Variants in ZNF385B observed in about 807,000 individuals in gnomAD.
The protein encoded by ZNF385B is zinc finger protein 385B.
Under a neutral mutation model 39.2 loss-of-function variants are expected in ZNF385B, and 23 were observed. The ratio of observed to expected loss-of-function variants is 0.59; its 90% CI spans 0.42 to 0.83. The LOEUF is 0.83. Ranked by LOEUF, ZNF385B falls within the 40% of genes least tolerant of loss-of-function variation. The pLI is 0.00. For missense variants in ZNF385B, 552 were observed against 598.9 expected (o/e 0.92, Z 0.82); for synonymous variants, 205 against 222.6 (o/e 0.92, Z 0.70).
intron 3 of ZNF385B, among the ~76,000 whole-genome samples, chr2:179,627,627 A>G (rs528440888): frequency 6.6e-6 from 1 of 152,262 alleles, no homozygotes; most frequent in South Asian, 2.1e-4. Flanking sequence ...TCCACATTCC[A>G]CGAGGTCCCA....
chr2:179,812,251 A>T (rs1706781436), intron 1 of ZNF385B, among the ~76,000 whole-genome samples: 1 of 152,174 alleles, frequency 6.6e-6, no homozygotes, highest in Admixed American at 6.5e-5. Context: ...AAAGAACCTA[A>T]AACAGAACTA....
chr2:179,595,790 G>A (rs1342047668), intron 3 of ZNF385B, among the ~76,000 whole-genome samples: 5 of 150,526 alleles, frequency 3.3e-5, no homozygotes, highest in South Asian at 2.1e-4. Context: ...CATTAGGCAC[G>A]TTATCGCACC....
chr2:179,444,776 C>A, intron 9 of ZNF385B, 100 bp downstream of exon 9: 1 of 1,001,400 alleles, frequency 1.0e-6, no homozygotes, highest in Admixed American at 1.8e-5. Flanking sequence ...AAATTTGAAA[C>A]CTTTCATGAC....
Position 179,516,914 on chromosome 2 carries a change from T to A in ZNF385B, c.552+1614A>T, listed in dbSNP as rs111834167. On this transcript the variant is annotated intron_variant, in intron 5 of 9. Coordinates refer to ENST00000410066, the MANE Select transcript of ZNF385B (RefSeq NM_152520.6). ...TGAATGATCCTATTGAATTAATTTT[T>A]ATGTTTTGTATCAGGTAGTAGTCAA... Among the ~76,000 whole-genome samples, 1,002 of 150,840 alleles carry A rather than the reference T, an allele frequency of 6.6e-3. 15 individuals carry two copies. The highest frequency in any genetic ancestry group is 0.023 in the African/African-American group (963 of 41,504).
chr2:179,845,285 A>G (rs1178909508), intron 1 of ZNF385B, among the ~76,000 whole-genome samples: 1 of 152,218 alleles, frequency 6.6e-6, no homozygotes, highest in East Asian at 1.9e-4. Flanking sequence ...GTGCAATACA[A>G]TAAATTGAAG....
chr2:179,610,038 T>C (rs1448023732), intron 3 of ZNF385B, among the ~76,000 whole-genome samples: 3 of 152,206 alleles, frequency 2.0e-5, no homozygotes, highest in African/African-American at 7.2e-5. Context: ...GATTGTTTGC[T>C]TTGCTGTACA....
intron 3 of ZNF385B, among the ~76,000 whole-genome samples, chr2:179,575,175 G>T (rs4893876): frequency 0.24 from 36,058 of 151,904 alleles, 4,705 homozygotes; most frequent in Middle Eastern, 0.34. Flanking sequence ...GGATGTCCCA[G>T]AACCACGCTG....
chr2:179,637,136 T>C (rs1176293387), intron 3 of ZNF385B: 2 of 152,198 alleles, frequency 1.3e-5, no homozygotes, highest in African/African-American at 4.8e-5. Context: ...TCTATGTCTG[T>C]CAAGCCTGGG....
intron 6 of ZNF385B, among the ~76,000 whole-genome samples, chr2:179,473,497 C>G (rs1466283808): frequency 6.6e-6 from 1 of 152,092 alleles, no homozygotes; most frequent in Non-Finnish European, 1.5e-5. Context: ...TTACAACAAT[C>G]CTAGGAGGTA....
rs192206715 is a variant in ZNF385B, at chr2:179,759,021, C to T, written c.298+10482G>A. Among the ~76,000 whole-genome samples the T allele has an allele frequency of 3.9e-5, 6 of 152,308 alleles. No homozygotes were observed. In the East Asian group the frequency reaches 1.2e-3, roughly 29 times the overall value. ...TTCAGCCACATCTCAGCTTTTTAGA[C>T]ACACCAAGCTTTTCCTCAAGTTGAG... On this transcript the variant is annotated intron_variant, in intron 3 of 9. Transcript: ENST00000410066.
chr2:179,558,146 T>C (rs1319258644), intron 3 of ZNF385B, among the ~76,000 whole-genome samples: 1 of 152,192 alleles, frequency 6.6e-6, no homozygotes, highest in Non-Finnish European at 1.5e-5. Flanking sequence ...TGACCTTCTA[T>C]TTGAGATCAA....
chr2:179,502,251 C>T (rs1033825763), intron 5 of ZNF385B, among the ~76,000 whole-genome samples: 5 of 152,258 alleles, frequency 3.3e-5, no homozygotes, highest in Non-Finnish European at 5.9e-5. Flanking sequence ...TTTGAATTAA[C>T]GCTAGAGTGA....
intron 3 of ZNF385B, among the ~76,000 whole-genome samples, chr2:179,765,103 G>A (rs1391322229): frequency 2.0e-5 from 3 of 152,148 alleles, no homozygotes; most frequent in African/African-American, 7.2e-5. Context: ...CCATAATTGT[G>A]TGAGCTAATT....
chr2:179,526,036 A>ATTTTTT (rs3054031), intron 4 of ZNF385B, among the ~76,000 whole-genome samples: 1 of 129,180 alleles, frequency 7.7e-6, no homozygotes, highest in Non-Finnish European at 1.6e-5. Flanking sequence ...TTAACCACAG[A>ATTTTTT]TTTTTTTTTT....
At chr2:179,816,995 C>CT (rs747056563) in intron 1 of ZNF385B, among the ~76,000 whole-genome samples, 11 of 152,064 alleles carry the variant, frequency 7.2e-5, no homozygotes, top group Admixed American at 3.9e-4. Flanking sequence ...GCTTTCCAAT[C>CT]TTTTACACAT....
Position 179,544,443 on chromosome 2 carries a change from A to G in ZNF385B, c.441+384T>C, listed in dbSNP as rs560790023. 2.0e-5 allele frequency among the ~76,000 whole-genome samples: 3 copies of G among 147,048 alleles called. No individual in the cohort carries two copies. In the South Asian group the frequency reaches 6.3e-4, roughly 31 times the overall value. ...AAATGCAGCCAGAGAGATAAATCCT[A>G]CAGTCATTTTTTTTTTTCTAAGAGA... On this transcript the variant is annotated intron_variant, in intron 4 of 9. Coordinates refer to ENST00000410066, the MANE Select transcript of ZNF385B (RefSeq NM_152520.6).
At chr2:179,676,154 T>C (rs898770987) in intron 3 of ZNF385B, among the ~76,000 whole-genome samples, 2 of 150,486 alleles carry the variant, frequency 1.3e-5, no homozygotes, top group Non-Finnish European at 2.9e-5. Flanking sequence ...AGTGGCACGA[T>C]CTCTGCTCAC....
At chr2:179,648,004 A>G (rs1692875444) in intron 3 of ZNF385B, among the ~76,000 whole-genome samples, 1 of 152,134 alleles carries the variant, frequency 6.6e-6, no homozygotes. Flanking sequence ...CAGAACAGAG[A>G]AAGGTGACTG....
In ZNF385B at chr2:179,638,938, G is replaced by A. The variant is rs577874973; in HGVS notation, c.299-93969C>T. Among the ~76,000 whole-genome samples, 9 of 152,122 alleles carry A rather than the reference G, an allele frequency of 5.9e-5. No individual in the cohort carries two copies. In the South Asian group the frequency reaches 1.9e-3, roughly 32 times the overall value. ...TATAATACTATTGAATTGGGAAATG[G>A]TCAGGGTCAGTGGCTCATGTCTGTA... On this transcript the variant is annotated intron_variant, in intron 3 of 9. Transcript: ENST00000410066.
Sources: gnomAD v4.1 joint callset for allele counts (sites outside exome capture counted in the v4.1 genomes callset) on GRCh38, gnomAD v4.1.1 for gene constraint, MANE v1.5 for transcripts, NCBI Gene and HGNC (gene_info 2026-07-23, HGNC 2026-07-21) for gene names.